Variants in WASF2 observed in about 807,000 individuals in gnomAD.
WASF2 encodes the protein WASP family member 2, also known as actin-binding protein WASF2.
A neutral mutation model predicts 45.0 loss-of-function variants in WASF2; 14 were observed. The observed-to-expected ratio is 0.31, with a 90% CI of 0.21 to 0.49. The LOEUF (loss-of-function observed/expected upper bound fraction) is 0.49. Ranked by LOEUF, WASF2 falls within the 20% of genes least tolerant of loss-of-function variation. WASF2 has a pLI of 0.99. For synonymous variants in WASF2, 200 were observed against 236.3 expected (o/e 0.85, Z 1.41); for missense variants, 439 against 636.1 (o/e 0.69, Z 3.33).
chr1:27,419,289 G>A (rs964877441), intron 2 of WASF2, among the ~76,000 whole-genome samples: 4 of 152,214 alleles, frequency 2.6e-5, no homozygotes, highest in Admixed American at 6.5e-5. Context: ...GCCTGCATAT[G>A]TTCTATAACT....
At chr1:27,427,049 G>T (rs1262189812) in intron 2 of WASF2, among the ~76,000 whole-genome samples, 2 of 152,178 alleles carry the variant, frequency 1.3e-5, no homozygotes, top group Non-Finnish European at 2.9e-5. Context: ...CTGGAGGGCA[G>T]AGACAATTTC....
At chr1:27,441,230 T>C (rs982062094) in intron 1 of WASF2, among the ~76,000 whole-genome samples, 8 of 151,716 alleles carry the variant, frequency 5.3e-5, no homozygotes, top group African/African-American at 1.9e-4. Flanking sequence ...TGGTGGCTCA[T>C]GACTGTACTC....
rs768063034 is a variant in WASF2, at chr1:27,410,213, G to A, written c.825-7C>T. 3 of 1,613,784 alleles carry A rather than the reference G, an allele frequency of 1.9e-6. No homozygotes were observed. The highest frequency in any genetic ancestry group is 2.5e-6 in the Non-Finnish European group (3 of 1,179,890). On this transcript the variant is annotated splice_polypyrimidine_tract_variant and splice_region_variant and intron_variant, in intron 7 of 8. Transcript: ENST00000618852. This position sits in a 1 kb window ranked among gnomAD's most constrained non-coding sequence, Gnocchi z 4.2. The stretch of plus-strand genomic sequence containing the variant: ...TTGGTTGTCCACTGGGTAACTAAAA[G>A]GCCAAAGAAAAAAAGACTCACCATC...
At chr1:27,437,214 T>A (rs2017149901) in intron 1 of WASF2, among the ~76,000 whole-genome samples, 1 of 152,196 alleles carries the variant, frequency 6.6e-6, no homozygotes, top group African/African-American at 2.4e-5. Context: ...AAAATTGGTT[T>A]CTTCTAGTAT....
chr1:27,430,814 A>T (rs2017051730), intron 1 of WASF2, among the ~76,000 whole-genome samples: 1 of 151,032 alleles, frequency 6.6e-6, no homozygotes, highest in African/African-American at 2.5e-5. Flanking sequence ...ATATATTTAA[A>T]AAAAAAAAAA....
chr1:27,432,412 G>T lies in WASF2; in HGVS notation c.-43-3479C>A, dbSNP rs946374353. Among the ~76,000 whole-genome samples the T allele has an allele frequency of 7.2e-5, 11 of 152,154 alleles. No homozygotes were observed. In the East Asian group the frequency reaches 1.9e-3, roughly 27 times the overall value. ...GCCTGTAATTCCAGCACTTTGGGAG[G>T]CCGAGGCGGGCGGATCACGAGGTCA... On this transcript the variant is annotated intron_variant, in intron 1 of 8. Transcript: ENST00000618852.
At chr1:27,475,601 C>T (rs1419502134) in intron 1 of WASF2, among the ~76,000 whole-genome samples, 1 of 152,084 alleles carries the variant, frequency 6.6e-6, no homozygotes, top group Non-Finnish European at 1.5e-5. Flanking sequence ...ACATACATCA[C>T]AATCTTTAAC....
At chr1:27,484,202 AAAT>A (rs2017892176) in intron 1 of WASF2, among the ~76,000 whole-genome samples, 1 of 152,132 alleles carries the variant, frequency 6.6e-6, no homozygotes, top group Admixed American at 6.6e-5. Flanking sequence ...TAAAGAGAAA[AAAT>A]AATTCTTCAT....
intron 1 of WASF2, among the ~76,000 whole-genome samples, chr1:27,477,268 G>A (rs369863592): frequency 9.9e-5 from 15 of 152,154 alleles, no homozygotes; most frequent in East Asian, 9.6e-4. Context: ...GGCCAGGCGC[G>A]GTGGCTCACG....
chr1:27,446,204 A>C (rs748826301), intron 1 of WASF2, among the ~76,000 whole-genome samples: 1 of 152,150 alleles, frequency 6.6e-6, no homozygotes, highest in African/African-American at 2.4e-5. Context: ...TTTTAAATTA[A>C]CCTTTGACAT....
At chr1:27,439,235 G>A (rs867594632) in intron 1 of WASF2, among the ~76,000 whole-genome samples, 2 of 152,126 alleles carry the variant, frequency 1.3e-5, no homozygotes, top group Non-Finnish European at 2.9e-5. Context: ...TTGTTGTGAA[G>A]AAAAATGAAA....
chr1:27,424,947 C>T (rs1225037812), intron 2 of WASF2, among the ~76,000 whole-genome samples: 1 of 152,214 alleles, frequency 6.6e-6, no homozygotes, highest in Admixed American at 6.5e-5. Context: ...GAAGGATCAG[C>T]TACAGGCAGC....
chr1:27,423,984 T>C (rs1488442175), intron 2 of WASF2, among the ~76,000 whole-genome samples: 2 of 152,202 alleles, frequency 1.3e-5, no homozygotes, highest in East Asian at 1.9e-4. Flanking sequence ...ACAATACTGA[T>C]ACAAAGTGCT....
intron 1 of WASF2, among the ~76,000 whole-genome samples, chr1:27,461,165 C>CA (rs1274758841): frequency 6.6e-6 from 1 of 150,890 alleles, no homozygotes; most frequent in Non-Finnish European, 1.5e-5. Flanking sequence ...AAACAAACAA[C>CA]AAAAAAAAGG....
intron 1 of WASF2, among the ~76,000 whole-genome samples, chr1:27,454,152 T>C (rs1246012976): frequency 3.7e-5 from 3 of 80,382 alleles, no homozygotes; most frequent in African/African-American, 1.6e-4. Flanking sequence ...TGTGTGTGTG[T>C]GTATATATAT....
intron 1 of WASF2, among the ~76,000 whole-genome samples, chr1:27,448,894 G>A (rs532221627): frequency 2.0e-5 from 3 of 149,376 alleles, no homozygotes; most frequent in South Asian, 2.1e-4. Flanking sequence ...ATATGCCTTC[G>A]GTTTCATCTC....
At chr1:27,455,562 T>TA (rs1350225544) in intron 1 of WASF2, among the ~76,000 whole-genome samples, 2 of 152,194 alleles carry the variant, frequency 1.3e-5, no homozygotes, top group Non-Finnish European at 2.9e-5. Context: ...CGAACATACT[T>TA]GTTTAGCCTC....
At chr1:27,478,373 C>T (rs1180686541) in intron 1 of WASF2, among the ~76,000 whole-genome samples, 1 of 149,838 alleles carries the variant, frequency 6.7e-6, no homozygotes, top group Non-Finnish European at 1.5e-5. Flanking sequence ...GACTTGGGTT[C>T]GTATACACAT....
intron 1 of WASF2, among the ~76,000 whole-genome samples, chr1:27,443,587 C>T (rs545891665): frequency 1.3e-5 from 2 of 151,394 alleles, no homozygotes; most frequent in South Asian, 2.1e-4. Flanking sequence ...CACTCCAGCC[C>T]GGGCAACAAG....
Sources: gnomAD v4.1 joint callset for allele counts (sites outside exome capture counted in the v4.1 genomes callset) on GRCh38, gnomAD v4.1.1 for gene constraint, Gnocchi (gnomAD v3.1) non-coding constraint, MANE v1.5 for transcripts, NCBI Gene and HGNC (gene_info 2026-07-23, HGNC 2026-07-21) for gene names.